NCS1: variants seen among roughly 807,000 people sequenced by gnomAD.
The protein encoded by NCS1 is neuronal calcium sensor 1.
NCS1 carries 6 observed loss-of-function variants against 28.4 expected under a neutral mutation model. The observed-to-expected ratio is 0.21, with a 90% CI of 0.12 to 0.42. The LOEUF (loss-of-function observed/expected upper bound fraction) is 0.42. Ranked by LOEUF, NCS1 falls within the 10% of genes least tolerant of loss-of-function variation. NCS1 has a pLI of 1.00. For synonymous variants in NCS1, 86 were observed against 99.3 expected (o/e 0.87, Z 0.79); for missense variants, 131 against 241.4 (o/e 0.54, Z 3.03).
chr9:130,187,281 G>C (rs1011324546), intron 1 of NCS1, among the ~76,000 whole-genome samples: 1 of 152,114 alleles, frequency 6.6e-6, no homozygotes, highest in East Asian at 1.9e-4. Context: ...GTGCCTCTCT[G>C]TGCCCCGTCG....
intron 1 of NCS1, among the ~76,000 whole-genome samples, chr9:130,178,467 G>T (rs1391375545): frequency 1.3e-5 from 2 of 152,238 alleles, no homozygotes; most frequent in Non-Finnish European, 2.9e-5. Flanking sequence ...CAGAGGCCTT[G>T]GGATCGGACC....
chr9:130,184,292 G>A (rs978783383), intron 1 of NCS1, among the ~76,000 whole-genome samples: 6 of 151,988 alleles, frequency 3.9e-5, no homozygotes, highest in Admixed American at 2.6e-4. Context: ...TCTGGTGTCC[G>A]GGGCTCCTCT....
chr9:130,224,316 C>T lies in NCS1; in HGVS notation c.474+1157C>T, dbSNP rs571255145. On this transcript the variant is annotated intron_variant, in intron 6 of 7. Coordinates refer to ENST00000372398, the MANE Select transcript of NCS1 (RefSeq NM_014286.4). ...CTAAAAAAAAAAAAAAAAAAAAATC[C>T]GGGAGGCAGCAGTTGCAGTGAGTGG... Among the ~76,000 whole-genome samples, 365 of 145,802 alleles carry T rather than the reference C, an allele frequency of 2.5e-3. 1 individual carries two copies. Among genetic ancestry groups the T allele is most frequent in the African/African-American group, 8.4e-3 (334 of 39,552 alleles).
intron 4 of NCS1, 57 bp from the exon 5 acceptor site, chr9:130,222,593 A>G (rs1049546705): frequency 1.4e-6 from 2 of 1,475,020 alleles, no homozygotes; most frequent in Non-Finnish European, 9.5e-7. Flanking sequence ...GGGCGAGTTG[A>G]AGACCCCTCC....
chr9:130,174,119 T>C (rs782787412), intron 1 of NCS1, among the ~76,000 whole-genome samples: 6 of 152,158 alleles, frequency 3.9e-5, no homozygotes, highest in Non-Finnish European at 7.4e-5. Context: ...GCTGCTGTTT[T>C]GTGAGATTCG....
At chr9:130,205,135 A>G (rs1833007024) in intron 2 of NCS1, among the ~76,000 whole-genome samples, 2 of 152,054 alleles carry the variant, frequency 1.3e-5, no homozygotes, top group South Asian at 4.2e-4. Context: ...CTGCTCTGGA[A>G]TTCTGACATT....
chr9:130,234,196 C>T lies in NCS1; in HGVS notation c.*1224C>T, dbSNP rs1349491586. On this transcript the variant is annotated 3_prime_UTR_variant, in exon 8 of 8. Coordinates refer to ENST00000372398, the MANE Select transcript of NCS1 (RefSeq NM_014286.4). The surrounding 1 kb of genome is among the most constrained non-coding windows in gnomAD (Gnocchi z 6.1). The stretch of plus-strand genomic sequence containing the variant: ...AGTTCATGACTCTCTCCCGCTCTGC[C>T]TTCCCTCCTTCCTATCTGCTTTTTC... The T allele has an allele frequency of 1.3e-5, 2 of 152,288 alleles. No homozygotes were observed. The highest frequency in any genetic ancestry group is 6.5e-5 in the Admixed American group (1 of 15,280). 9.4% of individuals were successfully genotyped at this position (152,288 alleles called of 1,614,324 possible).
rs1446791147 is a variant in NCS1 at position 130,180,095 on chromosome 9, C to A, written c.64+7368C>A. On this transcript the variant is annotated intron_variant, in intron 1 of 7. Coordinates refer to ENST00000372398, the MANE Select transcript of NCS1 (RefSeq NM_014286.4). This position sits in a 1 kb window ranked among gnomAD's most constrained non-coding sequence, Gnocchi z 4.5. ...CGTCACCCAGGCTAGAGTGCAGTGG[C>A]GCGATCTCGGCTCACTATAATCGCC... 2.0e-5 allele frequency among the ~76,000 whole-genome samples: 3 copies of A among 152,046 alleles called. No homozygotes were observed. The highest frequency in any genetic ancestry group is 4.4e-5 in the Non-Finnish European group (3 of 68,026).
At chr9:130,189,722 A>T (rs1832788671) in intron 1 of NCS1, among the ~76,000 whole-genome samples, 1 of 151,244 alleles carries the variant, frequency 6.6e-6, no homozygotes, top group South Asian at 2.1e-4. Flanking sequence ...CGTGCCTATA[A>T]TCCCAGCTAC....
chr9:130,222,894 A>C (rs544248970), intron 5 of NCS1, among the ~76,000 whole-genome samples, 156 bp downstream of exon 5: 1 of 147,256 alleles, frequency 6.8e-6, no homozygotes, highest in Admixed American at 6.8e-5. Context: ...CTGGGCAGGC[A>C]GGCACAAGCT....
chr9:130,178,418 TC>T (rs1832605139), intron 1 of NCS1, among the ~76,000 whole-genome samples: 2 of 152,198 alleles, frequency 1.3e-5, no homozygotes, highest in Admixed American at 1.3e-4. Flanking sequence ...CACAGAATTC[TC>T]CCATCACCCC....
rs1334803053 is a variant in NCS1 at position 130,172,553 on chromosome 9, G to C, written c.-111G>C. ...CGCCGACAGCCGCGCAGCGCAGCGC[G>C]GGCGCCGCAGACAAAGGCGCGGCCC... is the stretch of plus-strand genomic sequence containing the variant. On this transcript the variant is annotated 5_prime_UTR_variant, in exon 1 of 8. Transcript: ENST00000372398. The C allele has an allele frequency of 1.3e-5, 5 of 382,494 alleles. No homozygotes were observed. Among genetic ancestry groups the C allele is most frequent in the Non-Finnish European group, 1.8e-5 (5 of 275,258 alleles). 23.7% of individuals were successfully genotyped at this position (382,494 alleles called of 1,614,324 possible).
At chr9:130,200,879 G>A in intron 1 of NCS1, 79 bp from the exon 2 acceptor site, 2 of 1,568,204 alleles carry the variant, frequency 1.3e-6, no homozygotes, top group South Asian at 1.1e-5. Flanking sequence ...CTGGAGGGGA[G>A]GCCCCCCAGC....
chr9:130,176,084 G>A (rs958373332), intron 1 of NCS1, among the ~76,000 whole-genome samples: 6 of 152,222 alleles, frequency 3.9e-5, no homozygotes, highest in East Asian at 3.9e-4. Context: ...GATATGTGGC[G>A]TGGGGTATGT....
In NCS1 at chr9:130,219,981, G is replaced by A. The variant is rs1453866770; in HGVS notation, c.307+178G>A. On this transcript the variant is annotated intron_variant, in intron 4 of 7. Transcript: ENST00000372398. This position sits in a 1 kb window ranked among gnomAD's most constrained non-coding sequence, Gnocchi z 5.7. ...GCCCTGGGCAGGTGGCCCTCACACG[G>A]CCACGTAACTAGGCCAGGCTGACTG... Among the ~76,000 whole-genome samples, 1 of 152,238 alleles carries A rather than the reference G, an allele frequency of 6.6e-6. No individual in the cohort carries two copies. The highest frequency in any genetic ancestry group is 1.5e-5 in the Non-Finnish European group (1 of 68,044).
intron 1 of NCS1, among the ~76,000 whole-genome samples, chr9:130,188,457 T>C (rs2131124189): frequency 6.7e-6 from 1 of 150,018 alleles, no homozygotes; most frequent in Non-Finnish European, 1.5e-5. Flanking sequence ...GGTTTCGCTC[T>C]TGTTGCCCAG....
intron 2 of NCS1, among the ~76,000 whole-genome samples, chr9:130,216,131 G>C (rs782420488): frequency 6.6e-6 from 1 of 152,192 alleles, no homozygotes; most frequent in South Asian, 2.1e-4. Context: ...TTGGGGAGGG[G>C]GACGGTGGCT....
intron 2 of NCS1, among the ~76,000 whole-genome samples, chr9:130,206,844 C>T (rs999885975): frequency 7.3e-5 from 11 of 151,174 alleles, no homozygotes; most frequent in South Asian, 2.1e-4. Context: ...TCCAGCCATC[C>T]GGGGTGGGAG....
intron 1 of NCS1, chr9:130,200,502 T>C: frequency 1.4e-6 from 2 of 1,468,092 alleles, no homozygotes; most frequent in South Asian, 1.2e-5. Context: ...GAGCTGCCCC[T>C]TTTCAGCCTA....
Sources: allele counts gnomAD v4.1 joint callset (sites outside exome capture counted in the v4.1 genomes callset), GRCh38; gene constraint gnomAD v4.1.1; non-coding constraint Gnocchi (gnomAD v3.1); transcripts MANE v1.5; gene names NCBI Gene and HGNC (gene_info 2026-07-23, HGNC 2026-07-21).